Variants in ZNF746 observed in about 807,000 individuals in gnomAD.
The protein encoded by ZNF746 is parkin-interacting substrate.
A neutral mutation model predicts 41.0 loss-of-function variants in ZNF746; 13 were observed. The observed-to-expected ratio is 0.32, with a 90% CI of 0.21 to 0.50. The LOEUF (loss-of-function observed/expected upper bound fraction) is 0.50. Ranked by LOEUF, ZNF746 falls within the 20% of genes least tolerant of loss-of-function variation. The pLI, the probability that ZNF746 is intolerant of heterozygous loss-of-function variation, is 0.98. For missense variants in ZNF746, 811 were observed against 922.9 expected, an observed-to-expected ratio of 0.88 and a Z score of 1.57; for synonymous variants, 424 against 396.2, an observed-to-expected ratio of 1.07 and a Z score of -0.83.
At position 149,478,376 on chromosome 7, in the gene ZNF746, G is replaced by A. The variant is rs554032256; in HGVS notation, c.566-621C>T. On this transcript the variant is annotated intron_variant, in intron 4 of 6. Coordinates refer to ENST00000458143, the MANE Select transcript of ZNF746 (RefSeq NM_001394198.1). The stretch of plus-strand genomic sequence containing the variant: ...GACTAGGAAAACTCTGTCTGCCTGC[G>A]GGAGCCACCAGGAAGCAGCCTACTT... 7.9e-5 allele frequency among the ~76,000 whole-genome samples: 12 copies of A among 152,318 alleles called. No homozygotes were observed. In the South Asian group the frequency reaches 2.3e-3, roughly 29 times the overall value.
rs1800239493 is a variant in ZNF746 at position 149,474,963 on chromosome 7, G to A, written c.1404C>T (p.Pro468=). The A allele has an allele frequency of 6.5e-7, 1 of 1,547,704 alleles. No homozygotes were observed. The highest frequency in any genetic ancestry group is 1.4e-5 in the African/African-American group (1 of 73,010). The part of the protein sequence containing the change: ...KHPAAPPGGR[P]FTCATCGKSF... ...TCTTCCCACACGTGGCGCAGGTGAAGGGCCGGCCCCCGGGGGGCGCCGCGG... is the reference window on the plus strand; with the variant it reads ...TCTTCCCACACGTGGCGCAGGTGAAAGGCCGGCCCCCGGGGGGCGCCGCGG... The change falls in exon 7 of 7, where the codon CCC becomes CCT. Residue 468 remains proline (P), a synonymous_variant. Coordinates refer to ENST00000458143, the MANE Select transcript of ZNF746 (RefSeq NM_001394198.1). The surrounding 1 kb of genome is among the most constrained non-coding windows in gnomAD (Gnocchi z 6.3).
intron 5 of ZNF746, 80 bp from the exon 6 acceptor site, chr7:149,477,127 T>G: frequency 6.7e-7 from 1 of 1,489,222 alleles, no homozygotes. Context: ...GAGAGCAGGC[T>G]AAACTCTGAG....
chr7:149,474,631 A>G lies in ZNF746; in HGVS notation c.1736T>C (p.Val579Ala), dbSNP rs151306701. 42 of 1,612,350 alleles carry G rather than the reference A, an allele frequency of 2.6e-5. No homozygotes were observed. Among genetic ancestry groups the G allele is most frequent in the Non-Finnish European group, 3.5e-5 (41 of 1,179,466 alleles). Residue 579 changes from valine (V) to alanine (A), a missense_variant, in exon 7 of 7, where the codon GTG (valine) becomes GCG (alanine). Around this residue, in one of 4 missense-constraint regions of ZNF746, gnomAD observed 70 missense variants for 127.6 expected, o/e 0.55. Transcript: ENST00000458143. This position sits in a 1 kb window ranked among gnomAD's most constrained non-coding sequence, Gnocchi z 6.3. ...LIDHYRTHTG[V>A]RPFTCTVCGK... ...GCAGACGGTGCAGGTGAAGGGCCGC[A>G]CGCCCGTGTGCGTTCGGTAGTGGTC... is the stretch of plus-strand genomic sequence containing the variant.
intron 4 of ZNF746, among the ~76,000 whole-genome samples, chr7:149,484,765 T>A (rs1177420600): frequency 1.3e-5 from 2 of 152,136 alleles, no homozygotes. Flanking sequence ...AAACTGAGAA[T>A]GATTAGACAA....
rs1303681936 is a variant in ZNF746, at chr7:149,494,078, G to A, written c.362C>T (p.Ser121Phe). 1.9e-6 allele frequency: 3 copies of A among 1,614,088 alleles called. No homozygotes were observed. Among genetic ancestry groups the A allele is most frequent in the Non-Finnish European group, 2.5e-6 (3 of 1,180,008 alleles). ...CTCCAGCTTGCCCCACTCCTGCTCG[G>A]AGAAATACACGGCCACATCATCAAA... ...VTFDDVAVYF[S>F]EQEWGKLEDW... Residue 121 changes from serine (S) to phenylalanine (F), a missense_variant, in exon 3 of 7, where the codon TCC (serine) becomes TTC (phenylalanine). By Grantham distance (155) the Ser-to-Phe change is radical. Coordinates refer to ENST00000458143, the MANE Select transcript of ZNF746 (RefSeq NM_001394198.1). This position sits in a 1 kb window ranked among gnomAD's most constrained non-coding sequence, Gnocchi z 5.6.
At chr7:149,481,808 A>C (rs1563251472) in intron 4 of ZNF746, among the ~76,000 whole-genome samples, 1 of 152,362 alleles carries the variant, frequency 6.6e-6, no homozygotes, top group South Asian at 2.1e-4. Context: ...GGAAAAATAC[A>C]GAAAAGGCAG....
Position 149,474,422 on chromosome 7 carries a change from G to A in ZNF746, c.1945C>T (p.Leu649Phe), listed in dbSNP as rs1001117599. ...CCATCGGTGGGTCCCAGGACGCTGAGGCCACAAGTCCAGTCGGTCACAAGG... is the reference window on the plus strand; with the variant it reads ...CCATCGGTGGGTCCCAGGACGCTGAAGCCACAAGTCCAGTCGGTCACAAGG... ...TDLVTDWTCGLSVLGPTDGGD... is the reference protein window; with the variant it reads ...TDLVTDWTCGFSVLGPTDGGD... Residue 649 changes from leucine to phenylalanine, a missense_variant, in exon 7 of 7, where the codon CTC becomes TTC. By Grantham distance (22) the Leu-to-Phe change is conservative. This residue lies in a region of ZNF746 where 99 missense variants were observed against 80.3 expected (regional missense o/e 1.23). Transcript: ENST00000458143. The surrounding 1 kb of genome is among the most constrained non-coding windows in gnomAD (Gnocchi z 6.3). The A allele has an allele frequency of 8.1e-6, 13 of 1,610,964 alleles. No homozygotes were observed. The highest frequency in any genetic ancestry group is 2.2e-5 in the South Asian group (2 of 90,338).
chr7:149,474,445 A>G lies in ZNF746; in HGVS notation c.1922T>C (p.Leu641Pro). Reference sequence around the variant, plus strand: ...GAGGCCACAAGTCCAGTCGGTCACAAGGTCTGTGGAGGCCAAAGGTCCTTT... The same window carrying G: ...GAGGCCACAAGTCCAGTCGGTCACAGGGTCTGTGGAGGCCAAAGGTCCTTT... Reference protein sequence around the residue: ...ASKGPLASTDLVTDWTCGLSV... With the variant: ...ASKGPLASTDPVTDWTCGLSV... Residue 641 changes from leucine (L) to proline (P), a missense_variant, in exon 7 of 7, where the codon CTT becomes CCT. Transcript: ENST00000458143. The surrounding 1 kb of genome is among the most constrained non-coding windows in gnomAD (Gnocchi z 6.3). 1 of 1,611,430 alleles carries G rather than the reference A, an allele frequency of 6.2e-7. No individual in the cohort carries two copies.
intron 6 of ZNF746, among the ~76,000 whole-genome samples, chr7:149,476,422 G>GT (rs1028200158): frequency 1.3e-5 from 2 of 149,964 alleles, no homozygotes; most frequent in African/African-American, 4.9e-5. Flanking sequence ...CTATTAGCAC[G>GT]TTTTTTGGGT....
At position 149,474,839 on chromosome 7, in the gene ZNF746, CGCCACTGCCGCT is replaced by C. The variant is rs1055201396; in HGVS notation, c.1516_1527del (p.Ser506_Gly509del). ...CCCCCACCGCTGCCGCCACCGCCGCCGCCACTGCCGCTGCCGCCACCGCCTGTGCCCGGGCCC... is the reference window on the plus strand; with the variant it reads ...CCCCCACCGCTGCCGCCACCGCCGCCGCCGCCACCGCCTGTGCCCGGGCCC... On this transcript the variant is annotated inframe_deletion, in exon 7 of 7. Transcript: ENST00000458143. The surrounding 1 kb of genome is among the most constrained non-coding windows in gnomAD (Gnocchi z 6.3). The C allele has an allele frequency of 8.0e-5, 113 of 1,412,510 alleles. No individual in the cohort carries two copies. The highest frequency in any genetic ancestry group is 2.5e-4 in the Admixed American group (8 of 31,926). 87.5% of individuals were successfully genotyped at this position (1,412,510 alleles called of 1,614,324 possible).
chr7:149,477,795 C>T (rs1392722770), intron 4 of ZNF746, 40 bp from the exon 5 acceptor site: 1 of 1,532,212 alleles, frequency 6.5e-7, no homozygotes, highest in East Asian at 2.3e-5. Context: ...GCATCACGGC[C>T]CCTCAGCCCT....
intron 4 of ZNF746, among the ~76,000 whole-genome samples, chr7:149,484,732 T>C (rs1379014562): frequency 6.6e-6 from 1 of 152,090 alleles, no homozygotes; most frequent in African/African-American, 2.4e-5. Context: ...TTATTACTCA[T>C]AGATATGATT....
chr7:149,475,436 C>A lies in ZNF746; in HGVS notation c.931G>T (p.Val311Leu). ...TCAGTAGGATGTACGGGTGTGGCCA[C>A]CACCTCCTCTTCCTGGACTTCTGTT... ...IKTEVQEEEV[V>L]ATPVHPTDLE... Residue 311 changes from valine to leucine, a missense_variant, in exon 7 of 7, where the codon GTG becomes TTG. Val to Leu is a conservative substitution (Grantham distance 32, BLOSUM62 1). Coordinates refer to ENST00000458143, the MANE Select transcript of ZNF746 (RefSeq NM_001394198.1). The A allele has an allele frequency of 6.2e-7, 1 of 1,613,428 alleles. No individual in the cohort carries two copies. The highest frequency in any genetic ancestry group is 8.5e-7 in the Non-Finnish European group (1 of 1,179,776).
intron 4 of ZNF746, among the ~76,000 whole-genome samples, chr7:149,482,025 T>TA (rs1487839797): frequency 1.3e-5 from 2 of 152,338 alleles, no homozygotes; most frequent in East Asian, 1.9e-4. Flanking sequence ...GCCCAAGATA[T>TA]AAAAAATGTT....
chr7:149,493,894 T>C, intron 3 of ZNF746, 95 bp downstream of exon 3: 1 of 1,592,916 alleles, frequency 6.3e-7, no homozygotes, highest in Non-Finnish European at 8.6e-7. Flanking sequence ...TTTCTGGTGA[T>C]TTATATAACA....
chr7:149,477,660 C>T lies in ZNF746; in HGVS notation c.661G>A (p.Ala221Thr). Reference sequence around the variant, plus strand: ...ATATCTGGCTGCCCGGCTGCCCACGCCTCCACGCCCAGGGCCTGCTGCTCC... The same window carrying T: ...ATATCTGGCTGCCCGGCTGCCCACGTCTCCACGCCCAGGGCCTGCTGCTCC... ...LQEQQALGVE[A>T]WAAGQPDIGE... is the part of the protein sequence containing the mutation. The change falls in exon 5 of 7, where the codon GCG (alanine) becomes ACG (threonine). Residue 221 changes from alanine (A) to threonine (T), a missense_variant. Coordinates refer to ENST00000458143, the MANE Select transcript of ZNF746 (RefSeq NM_001394198.1). 6.2e-7 allele frequency: 1 copy of T among 1,614,058 alleles called. No individual in the cohort carries two copies. The highest frequency in any genetic ancestry group is 8.5e-7 in the Non-Finnish European group (1 of 1,179,970).
chr7:149,474,865 G>C lies in ZNF746; in HGVS notation c.1502C>G (p.Thr501Arg), dbSNP rs768543309. Residue 501 changes from threonine to arginine, a missense_variant, in exon 7 of 7, where the codon ACA becomes AGA. Physicochemically the swap from Thr to Arg is moderately conservative, Grantham distance 71 (BLOSUM62 -1). Transcript: ENST00000458143. This position sits in a 1 kb window ranked among gnomAD's most constrained non-coding sequence, Gnocchi z 6.3. ...GCCACTGCCGCTGCCGCCACCGCCT[G>C]TGCCCGGGCCCGACCCGTCGGGCGC... ...CGAPDGSGPGTGGGGSGSGGG... is the reference protein window; with the variant it reads ...CGAPDGSGPGRGGGGSGSGGG... The C allele has an allele frequency of 2.7e-6, 4 of 1,471,390 alleles. No homozygotes were observed. In the Admixed American group the frequency reaches 7.7e-5, roughly 28 times the overall value. The allele number at this position is 1,471,390 out of a possible 1,614,324, so 91.1% of individuals were successfully genotyped here.
Position 149,477,567 on chromosome 7 carries a change from A to G in ZNF746, c.754T>C (p.Ser252Pro), listed in dbSNP as rs1397802827. 6.2e-7 allele frequency: 1 copy of G among 1,602,562 alleles called. No homozygotes were observed. The highest frequency in any genetic ancestry group is 2.2e-5 in the East Asian group (1 of 44,580). Residue 252 changes from serine to proline, a missense_variant, in exon 5 of 7, where the codon TCT becomes CCT. Physicochemically the swap from Ser to Pro is moderately conservative, Grantham distance 74 (BLOSUM62 -1). Coordinates refer to ENST00000458143, the MANE Select transcript of ZNF746 (RefSeq NM_001394198.1). Reference protein sequence around the residue: ...GAGDISTDATSGVHSNFSTTI... With the variant: ...GAGDISTDATPGVHSNFSTTI... ...TGTCCCCGTCTCAGCCACTTACCAGAGGTGGCATCCGTGGAGATGTCTCCT... is the reference window on the plus strand; with the variant it reads ...TGTCCCCGTCTCAGCCACTTACCAGGGGTGGCATCCGTGGAGATGTCTCCT...
chr7:149,474,937 C>T lies in ZNF746; in HGVS notation c.1430G>A (p.Ser477Asn), dbSNP rs1485455859. 1 of 1,544,416 alleles carries T rather than the reference C, an allele frequency of 6.5e-7. No individual in the cohort carries two copies. The highest frequency in any genetic ancestry group is 8.7e-7 in the Non-Finnish European group (1 of 1,146,628). ...GCTCAGGCTGACTTGCAGCTGGAAG[C>T]TCTTCCCACACGTGGCGCAGGTGAA... ...RPFTCATCGKSFQLQVSLSAH... is the reference protein window; with the variant it reads ...RPFTCATCGKNFQLQVSLSAH... Residue 477 changes from serine (S) to asparagine (N), a missense_variant, in exon 7 of 7, where the codon AGC becomes AAC. Around this residue, in one of 4 missense-constraint regions of ZNF746, gnomAD observed 495 missense variants for 481.6 expected, o/e 1.03. Transcript: ENST00000458143. The surrounding 1 kb of genome is among the most constrained non-coding windows in gnomAD (Gnocchi z 6.3).
Sources: gnomAD v4.1 joint callset for allele counts (sites outside exome capture counted in the v4.1 genomes callset) on GRCh38, gnomAD v4.1.1 for gene constraint, gnomAD v4.1.1 regional missense constraint, Gnocchi (gnomAD v3.1) non-coding constraint, MANE v1.5 for transcripts, NCBI Gene and HGNC (gene_info 2026-07-23, HGNC 2026-07-21) for gene names.